The following SLC6A3 variants were observed in gnomAD, a reference collection of about 807,000 sequenced individuals.
The protein encoded by SLC6A3 is solute carrier family 6 member 3.
Under a neutral mutation model 70.4 loss-of-function variants are expected in SLC6A3, and 19 were observed. That is an observed-to-expected ratio of 0.27 (90% confidence interval 0.19 to 0.40). The LOEUF (loss-of-function observed/expected upper bound fraction) is 0.40. Ranked by LOEUF, SLC6A3 falls within the 10% of genes least tolerant of loss-of-function variation. The pLI is 1.00. For missense variants in SLC6A3, 613 were observed against 838.5 expected (o/e 0.73, Z 3.32); for synonymous variants, 368 against 356.6 (o/e 1.03, Z -0.36).
At chr5:1,420,766 G>A (rs1045794487) in intron 5 of SLC6A3, 63 bp from the exon 6 acceptor site, 1 of 1,582,066 alleles carries the variant, frequency 6.3e-7, no homozygotes, top group African/African-American at 1.3e-5. Context: ...GCAGACACTG[G>A]CACAAGGGCA....
Position 1,443,106 on chromosome 5 carries a change from A to C in SLC6A3, c.92T>G (p.Leu31Arg). 1 of 1,614,144 alleles carries C rather than the reference A, an allele frequency of 6.2e-7. No homozygotes were observed. The highest frequency in any genetic ancestry group is 8.5e-7 in the Non-Finnish European group (1 of 1,180,028). The stretch of plus-strand genomic sequence containing the variant: ...TCCGTTCTGCTCCTTGACAAGGATG[A>C]GCTCCACCTCCTTCGGGCCCACGGC... The part of the protein sequence containing the change: ...PNAVGPKEVE[L>R]ILVKEQNGVQ... The change falls in exon 2 of 15, where the codon CTC becomes CGC. Residue 31 changes from leucine (L) to arginine (R), a missense_variant. By Grantham distance (102) the Leu-to-Arg change is moderately radical. Transcript: ENST00000270349.
chr5:1,418,872 ATC>A (rs1360890717), intron 6 of SLC6A3, among the ~76,000 whole-genome samples: 2 of 146,028 alleles, frequency 1.4e-5, no homozygotes, highest in Non-Finnish European at 3.0e-5. Context: ...CCATCCATCC[ATC>A]CATCCTATCT....
At chr5:1,440,165 T>TCCATACATAGATGAATGGATGGATGGATG (rs1560927299) in intron 3 of SLC6A3, among the ~76,000 whole-genome samples, 1 of 151,926 alleles carries the variant, frequency 6.6e-6, no homozygotes, top group Non-Finnish European at 1.5e-5. Flanking sequence ...ATGGATGGAT[T>TCCATACATAGATGAATGGATGGATGGATG]AATCCATACA....
rs1331181180 is a variant in SLC6A3, at chr5:1,406,269, G to A, written c.1518C>T (p.Asp506=). Residue 506 remains aspartate (D), a synonymous_variant, in exon 12 of 15, where the codon GAC becomes GAT. Coordinates refer to ENST00000270349, the MANE Select transcript of SLC6A3 (RefSeq NM_001044.5). This position sits in a 1 kb window ranked among gnomAD's most constrained non-coding sequence, Gnocchi z 8.8. ...AWFYGVGQFS[D]DIQQMTGQRP... ...GCTGCCCGGTCATCTGCTGGATGTC[G>A]TCGCTGAACTGCCCAACACCTGAGG... is the stretch of plus-strand genomic sequence containing the variant. 7.4e-6 allele frequency: 12 copies of A among 1,612,884 alleles called. No individual in the cohort carries two copies. The highest frequency in any genetic ancestry group is 2.2e-5 in the East Asian group (1 of 44,884).
In SLC6A3 at chr5:1,393,754, C is replaced by T. The variant is rs1755639667; in HGVS notation, c.*981G>A. On this transcript the variant is annotated 3_prime_UTR_variant, in exon 15 of 15. Transcript: ENST00000270349. ...GGATAGGACACGCTCCTGTGGGGGC[C>T]CTGCATGCGTCCTGGGGTAGTACAC... 1 of 135,766 alleles carries T rather than the reference C, an allele frequency of 7.4e-6. No individual in the cohort carries two copies. The highest frequency in any genetic ancestry group is 1.5e-5 in the Non-Finnish European group (1 of 64,624). 8.4% of individuals were successfully genotyped at this position (135,766 alleles called of 1,614,324 possible).
At chr5:1,426,124 A>G (rs1756570539) in intron 4 of SLC6A3, among the ~76,000 whole-genome samples, 1 of 152,230 alleles carries the variant, frequency 6.6e-6, no homozygotes, top group Non-Finnish European at 1.5e-5. Context: ...GAATTATCAC[A>G]TAGCTCCAGC....
chr5:1,440,165 T>TCCATACATAGATGGATGGATG (rs1560927299), intron 3 of SLC6A3, among the ~76,000 whole-genome samples: 3 of 151,926 alleles, frequency 2.0e-5, no homozygotes, highest in Non-Finnish European at 4.4e-5. Context: ...ATGGATGGAT[T>TCCATACATAGATGGATGGATG]AATCCATACA....
In SLC6A3 at chr5:1,402,016, G is replaced by A. The variant is rs775044022; in HGVS notation, c.1767+906C>T. 3.3e-5 allele frequency among the ~76,000 whole-genome samples: 5 copies of A among 152,198 alleles called. No homozygotes were observed. Among genetic ancestry groups the A allele is most frequent in the Non-Finnish European group, 5.9e-5 (4 of 68,036 alleles). Reference sequence around the variant, plus strand: ...GGGCCTTGGCCTGGCCAGGCTGCTGGAGAGACTGGCTCAGTGCCAGCCTGA... The same window carrying A: ...GGGCCTTGGCCTGGCCAGGCTGCTGAAGAGACTGGCTCAGTGCCAGCCTGA... On this transcript the variant is annotated intron_variant, in intron 13 of 14. Transcript: ENST00000270349. This position sits in a 1 kb window ranked among gnomAD's most constrained non-coding sequence, Gnocchi z 8.5.
intron 14 of SLC6A3, among the ~76,000 whole-genome samples, chr5:1,399,691 G>A (rs1038197420): frequency 1.4e-4 from 21 of 152,206 alleles, no homozygotes; most frequent in Non-Finnish European, 2.2e-4. Flanking sequence ...CACGCCTCCT[G>A]TGTTTGGAGC....
Position 1,408,197 on chromosome 5 carries a change from C to T in SLC6A3, c.1498+829G>A, listed in dbSNP as rs147030938. ...GATTATAGCCTTGTGCCACCACACCCGGCTAATTTTTTTTTTTTTTTTTTT... is the reference window on the plus strand; with the variant it reads ...GATTATAGCCTTGTGCCACCACACCTGGCTAATTTTTTTTTTTTTTTTTTT... On this transcript the variant is annotated intron_variant, in intron 11 of 14. Coordinates refer to ENST00000270349, the MANE Select transcript of SLC6A3 (RefSeq NM_001044.5). The surrounding 1 kb of genome is among the most constrained non-coding windows in gnomAD (Gnocchi z 6.4). 3.4e-4 allele frequency among the ~76,000 whole-genome samples: 48 copies of T among 140,014 alleles called. No individual in the cohort carries two copies. Among genetic ancestry groups the T allele is most frequent in the Non-Finnish European group, 6.5e-4 (41 of 63,506 alleles). 91.9% of individuals were successfully genotyped at this position (140,014 alleles called of 152,430 possible). A position where few individuals can be genotyped will look rare whatever the true frequency, so the allele number is the denominator to read the frequency against.
In SLC6A3 at chr5:1,413,554, G is replaced by A. The variant is rs914190010; in HGVS notation, c.1156+1137C>T. Among the ~76,000 whole-genome samples the A allele has an allele frequency of 2.0e-5, 3 of 152,186 alleles. No individual in the cohort carries two copies. The South Asian group carries it at 6.2e-4, about 32-fold the overall frequency. On this transcript the variant is annotated intron_variant, in intron 8 of 14. Coordinates refer to ENST00000270349, the MANE Select transcript of SLC6A3 (RefSeq NM_001044.5). The surrounding 1 kb of genome is among the most constrained non-coding windows in gnomAD (Gnocchi z 7.1). ...AGCAACAACACCCACACGGGACAGGGGCTTTTCTGAGCACAATCATTCCTC... is the reference window on the plus strand; with the variant it reads ...AGCAACAACACCCACACGGGACAGGAGCTTTTCTGAGCACAATCATTCCTC...
At chr5:1,440,182 A>AATGG (rs1352791110) in intron 3 of SLC6A3, among the ~76,000 whole-genome samples, 2 of 152,162 alleles carry the variant, frequency 1.3e-5, no homozygotes, top group African/African-American at 4.8e-5. Flanking sequence ...TACATAGATG[A>AATGG]ATGGATGGAT....
chr5:1,443,256 G>A lies in SLC6A3; in HGVS notation c.-45-14C>T. On this transcript the variant is annotated splice_polypyrimidine_tract_variant and intron_variant, in intron 1 of 14. Transcript: ENST00000270349. ...TTCCCTCTTGGTCTTCAGCCAATAT[G>A]AAAAATAAACACACAACAGGAACGC... The A allele has an allele frequency of 6.3e-7, 1 of 1,584,486 alleles. No individual in the cohort carries two copies. The highest frequency in any genetic ancestry group is 1.1e-5 in the South Asian group (1 of 90,502).
intron 7 of SLC6A3, 141 bp from the exon 8 acceptor site, chr5:1,414,956 C>T (rs1281239108): frequency 9.4e-7 from 1 of 1,064,264 alleles, no homozygotes; most frequent in Non-Finnish European, 1.4e-6. Context: ...TGAGCACGGC[C>T]AGCTCCTTAG....
At position 1,396,965 on chromosome 5, in the gene SLC6A3, T is replaced by C. The variant is rs978734793; in HGVS notation, c.1840-2207A>G. Among the ~76,000 whole-genome samples, 1 of 152,336 alleles carries C rather than the reference T, an allele frequency of 6.6e-6. No homozygotes were observed. The highest frequency in any genetic ancestry group is 6.5e-5 in the Admixed American group (1 of 15,308). On this transcript the variant is annotated intron_variant, in intron 14 of 14. Coordinates refer to ENST00000270349, the MANE Select transcript of SLC6A3 (RefSeq NM_001044.5). This position sits in a 1 kb window ranked among gnomAD's most constrained non-coding sequence, Gnocchi z 7.0. ...AGGGGCAGGCAGTTTCCACAGTGCC[T>C]AGTTTTCCTGCTGTGGGCTCACAAG... is the stretch of plus-strand genomic sequence containing the variant.
At position 1,405,698 on chromosome 5, in the gene SLC6A3, G is replaced by A. The variant is rs948539426; in HGVS notation, c.1599+490C>T. ...GCCCGGTGGGCCCTGACTCGGTGGC[G>A]GATGACAGAAGCAAGTGCCTACTGG... On this transcript the variant is annotated intron_variant, in intron 12 of 14. Transcript: ENST00000270349. The surrounding 1 kb of genome is among the most constrained non-coding windows in gnomAD (Gnocchi z 5.3). Among the ~76,000 whole-genome samples the A allele has an allele frequency of 5.3e-5, 8 of 152,186 alleles. No homozygotes were observed. Among genetic ancestry groups the A allele is most frequent in the Non-Finnish European group, 8.8e-5 (6 of 68,020 alleles).
chr5:1,406,111 C>A lies in SLC6A3; in HGVS notation c.1599+77G>T. 9.7e-7 allele frequency: 1 copy of A among 1,035,330 alleles called. No homozygotes were observed. 64.1% of individuals were successfully genotyped at this position (1,035,330 alleles called of 1,614,324 possible). ...GCCACAGTGACAACCCACATGCGGG[C>A]GCTGGACCTCGGGGCAGGTGCCAGA... is the stretch of plus-strand genomic sequence containing the variant. On this transcript the variant is annotated intron_variant, in intron 12 of 14. Transcript: ENST00000270349. The surrounding 1 kb of genome is among the most constrained non-coding windows in gnomAD (Gnocchi z 8.8).
rs1367886161 is a variant in SLC6A3, at chr5:1,411,935, CACGA to C, written c.1157-584_1157-581del. Among the ~76,000 whole-genome samples, 4 of 152,114 alleles carry C rather than the reference CACGA, an allele frequency of 2.6e-5. No homozygotes were observed. The highest frequency in any genetic ancestry group is 7.2e-5 in the African/African-American group (3 of 41,396). On this transcript the variant is annotated intron_variant, in intron 8 of 14. Transcript: ENST00000270349. This position sits in a 1 kb window ranked among gnomAD's most constrained non-coding sequence, Gnocchi z 6.5. ...ACACACAGACACATGCGCGCACATGCACGAACACTCATTTGTGCATTCAAACTCA... is the reference window on the plus strand; with the variant it reads ...ACACACAGACACATGCGCGCACATGCACACTCATTTGTGCATTCAAACTCA...
rs1435599053 is a variant in SLC6A3, at chr5:1,401,959, C to T, written c.1767+963G>A. Among the ~76,000 whole-genome samples the T allele has an allele frequency of 1.3e-5, 2 of 152,234 alleles. No individual in the cohort carries two copies. The highest frequency in any genetic ancestry group is 2.9e-5 in the Non-Finnish European group (2 of 68,034). On this transcript the variant is annotated intron_variant, in intron 13 of 14. Coordinates refer to ENST00000270349, the MANE Select transcript of SLC6A3 (RefSeq NM_001044.5). The surrounding 1 kb of genome is among the most constrained non-coding windows in gnomAD (Gnocchi z 6.1). ...CAGAGCTCCTCCCACTCCACAGAAG[C>T]CCCCAGCCACACACTGTGCTTTGCC...
Sources: gnomAD v4.1 joint callset for allele counts (sites outside exome capture counted in the v4.1 genomes callset) on GRCh38, gnomAD v4.1.1 for gene constraint, Gnocchi (gnomAD v3.1) non-coding constraint, MANE v1.5 for transcripts, NCBI Gene and HGNC (gene_info 2026-07-23, HGNC 2026-07-21) for gene names.